Variants in PPP2R3A observed in about 807,000 individuals in gnomAD.
PPP2R3A encodes the protein serine/threonine-protein phosphatase 2A regulatory subunit B'' subunit alpha.
In PPP2R3A, 80 loss-of-function variants were observed where a neutral mutation model predicts 106.9. That is an observed-to-expected ratio of 0.75 (90% CI 0.62 to 0.90). The LOEUF is 0.90. Ranked by LOEUF, PPP2R3A falls within the 40% of genes least tolerant of loss-of-function variation. PPP2R3A has a pLI of 0.00. For synonymous variants in PPP2R3A, 483 were observed against 468.3 expected, an observed-to-expected ratio of 1.03 and a Z score of -0.41; for missense variants, 1,386 against 1,350.4, an observed-to-expected ratio of 1.03 and a Z score of -0.41.
chr3:136,053,027 G>A (rs1265594291), intron 5 of PPP2R3A, among the ~76,000 whole-genome samples: 2 of 152,194 alleles, frequency 1.3e-5, no homozygotes, highest in Non-Finnish European at 2.9e-5. Flanking sequence ...ACTAATGCAG[G>A]AACAGAAAAC....
intron 5 of PPP2R3A, among the ~76,000 whole-genome samples, chr3:136,053,010 T>A (rs7625607): frequency 5.9e-5 from 9 of 152,032 alleles, no homozygotes; most frequent in Non-Finnish European, 2.9e-5. Flanking sequence ...GCCATTATCC[T>A]TAGCAAACTA....
chr3:135,969,189 C>A (rs1049997411), intron 1 of PPP2R3A, among the ~76,000 whole-genome samples: 1 of 152,040 alleles, frequency 6.6e-6, no homozygotes, highest in Non-Finnish European at 1.5e-5. Flanking sequence ...TATTAGAATG[C>A]TTTGGAAGGA....
intron 13 of PPP2R3A, among the ~76,000 whole-genome samples, chr3:136,130,761 A>G (rs1261810075): frequency 1.3e-5 from 2 of 152,226 alleles, no homozygotes; most frequent in African/African-American, 4.8e-5. Context: ...TTCAAACTAT[A>G]CTACAAGGCT....
intron 13 of PPP2R3A, among the ~76,000 whole-genome samples, chr3:136,108,785 G>C (rs1937554509): frequency 6.6e-6 from 1 of 151,850 alleles, no homozygotes; most frequent in Admixed American, 6.6e-5. Context: ...CAGTAAAATT[G>C]AATACTGAAA....
intron 13 of PPP2R3A, among the ~76,000 whole-genome samples, chr3:136,122,260 A>G (rs929278215): frequency 1.3e-5 from 2 of 152,164 alleles, no homozygotes; most frequent in East Asian, 1.9e-4. Context: ...GTTTAACGTT[A>G]TGGTGAACTA....
rs1191312343 is a variant in PPP2R3A at position 136,145,141 on chromosome 3, A to C, written c.3428A>C (p.Lys1143Thr). The C allele has an allele frequency of 2.5e-6, 4 of 1,612,062 alleles. No individual in the cohort carries two copies. Among genetic ancestry groups the C allele is most frequent in the Non-Finnish European group, 3.4e-6 (4 of 1,179,420 alleles). ...LSASLPEKCG[K>T]LQSVDEE The stretch of plus-strand genomic sequence containing the variant: ...GCAAGCCTTCCAGAGAAATGTGGAA[A>C]GCTTCAATCAGTGGATGAAGAATAG... Residue 1143 changes from lysine to threonine, a missense_variant, in exon 14 of 14, where the codon AAG becomes ACG. Physicochemically the swap from Lys to Thr is moderately conservative, Grantham distance 78. Transcript: ENST00000264977.
At chr3:136,121,091 C>G (rs1211683882) in intron 13 of PPP2R3A, among the ~76,000 whole-genome samples, 1 of 151,874 alleles carries the variant, frequency 6.6e-6, no homozygotes, top group Non-Finnish European at 1.5e-5. Flanking sequence ...GTATATATAC[C>G]CAAAGGAAAA....
At position 136,003,276 on chromosome 3, in the gene PPP2R3A, G is replaced by A. The variant is rs542488230; in HGVS notation, c.1778G>A (p.Arg593Gln). ...GAAGAGGATCGAGCCCTCTTACTGC[G>A]AATCCTGGAAAGCATTGAAGACTTT... Reference protein sequence around the residue: ...IEEEDRALLLRILESIEDFAQ... With the variant: ...IEEEDRALLLQILESIEDFAQ... The change falls in exon 2 of 14, where the codon CGA becomes CAA. Residue 593 changes from arginine (R) to glutamine (Q), a missense_variant. Arg to Gln is a conservative substitution (Grantham distance 43). Coordinates refer to ENST00000264977, the MANE Select transcript of PPP2R3A (RefSeq NM_002718.5). 1.5e-5 allele frequency: 24 copies of A among 1,613,826 alleles called. No homozygotes were observed. In the Middle Eastern group the frequency reaches 5.0e-4, roughly 33 times the overall value.
At chr3:136,026,029 C>G (rs145131622) in intron 2 of PPP2R3A, among the ~76,000 whole-genome samples, 1 of 152,080 alleles carries the variant, frequency 6.6e-6, no homozygotes, top group African/African-American at 2.4e-5. Flanking sequence ...TCGTTGCCTC[C>G]CTGCCACTCT....
intron 10 of PPP2R3A, among the ~76,000 whole-genome samples, chr3:136,101,529 A>G (rs895585445): frequency 1.1e-4 from 17 of 152,200 alleles, no homozygotes; most frequent in African/African-American, 3.6e-4. Context: ...GGTTCAAACA[A>G]TCCTCCCACC....
chr3:136,001,687 C>G lies in PPP2R3A; in HGVS notation c.189C>G (p.Phe63Leu). Residue 63 changes from phenylalanine to leucine, a missense_variant, in exon 2 of 14, where the codon TTC becomes TTG. Coordinates refer to ENST00000264977, the MANE Select transcript of PPP2R3A (RefSeq NM_002718.5). ...TCTTGCACATCCCTGTGTCTCAGTT[C>G]AAAGATGCAGATCTGAACTCTATGT... is the stretch of plus-strand genomic sequence containing the variant. The part of the protein sequence containing the change: ...ADLLHIPVSQ[F>L]KDADLNSMFL... 2 of 1,614,120 alleles carry G rather than the reference C, an allele frequency of 1.2e-6. No individual in the cohort carries two copies. The highest frequency in any genetic ancestry group is 1.7e-6 in the Non-Finnish European group (2 of 1,180,006).
intron 1 of PPP2R3A, among the ~76,000 whole-genome samples, chr3:135,970,892 T>C (rs547618261): frequency 6.6e-5 from 10 of 152,274 alleles, no homozygotes; most frequent in Admixed American, 2.6e-4. Context: ...TTGCCAGGAC[T>C]GTTGAAGGGG....
At chr3:136,047,684 G>A (rs186473710) in intron 4 of PPP2R3A, among the ~76,000 whole-genome samples, 5 of 152,184 alleles carry the variant, frequency 3.3e-5, no homozygotes, top group African/African-American at 1.2e-4. Flanking sequence ...AGTGGATCAC[G>A]AGGTCAGGAG....
chr3:136,043,003 T>C (rs1935338796), intron 4 of PPP2R3A, among the ~76,000 whole-genome samples: 1 of 151,276 alleles, frequency 6.6e-6, no homozygotes, highest in South Asian at 2.1e-4. Flanking sequence ...CATAAAGCAA[T>C]GTGGGCTCAA....
intron 3 of PPP2R3A, among the ~76,000 whole-genome samples, chr3:136,040,277 C>T (rs1270197564): frequency 2.6e-5 from 4 of 152,170 alleles, no homozygotes; most frequent in African/African-American, 4.8e-5. Context: ...TAATGGCTCA[C>T]GCCTGTAATC....
intron 1 of PPP2R3A, among the ~76,000 whole-genome samples, chr3:135,995,447 A>AC (rs1933351624): frequency 1.1e-5 from 1 of 87,306 alleles, no homozygotes; most frequent in East Asian, 3.8e-4. Context: ...ACGTTGACAG[A>AC]TTTTTTTTTT....
chr3:136,118,954 T>C (rs113706286), intron 13 of PPP2R3A, among the ~76,000 whole-genome samples: 5,010 of 152,228 alleles, frequency 0.033, 296 homozygotes, highest in African/African-American at 0.11. Context: ...GGCATCATGC[T>C]ACCTGACTTC....
In PPP2R3A at chr3:136,106,232, G is replaced by A; in HGVS notation, c.3239G>A (p.Gly1080Glu). The stretch of plus-strand genomic sequence containing the variant: ...TCCAATCAGGATGTTGAGAACGATG[G>A]GCCTGAGCCCTCAGACTGGGACCGG... ...FAVQKDVEND[G>E]PEPSDWDRFA... Residue 1080 changes from glycine to glutamate, a missense_variant, in exon 13 of 14, where the codon GGG becomes GAG. Coordinates refer to ENST00000264977, the MANE Select transcript of PPP2R3A (RefSeq NM_002718.5). 1.2e-6 allele frequency: 2 copies of A among 1,606,922 alleles called. No individual in the cohort carries two copies. The highest frequency in any genetic ancestry group is 1.7e-6 in the Non-Finnish European group (2 of 1,178,406).
intron 1 of PPP2R3A, among the ~76,000 whole-genome samples, chr3:135,970,564 G>A (rs1484616549): frequency 6.6e-6 from 1 of 152,208 alleles, no homozygotes; most frequent in Admixed American, 6.5e-5. Context: ...ATGATCTGTT[G>A]AATTTAGCAA....
Sources: gnomAD v4.1 joint callset for allele counts (sites outside exome capture counted in the v4.1 genomes callset) on GRCh38, gnomAD v4.1.1 for gene constraint, MANE v1.5 for transcripts, NCBI Gene and HGNC (gene_info 2026-07-23, HGNC 2026-07-21) for gene names.